Variants in FGF13 observed in about 807,000 individuals in gnomAD.
FGF13 encodes fibroblast growth factor 13, also known as fibroblast growth factor homologous factor 2.
Under a neutral mutation model 19.5 loss-of-function variants are expected in FGF13, and 2 were observed. The ratio of observed to expected loss-of-function variants is 0.10; its 90% CI spans 0.04 to 0.32. FGF13 has a LOEUF of 0.32. Among genes scored for constraint, FGF13 ranks in the 10% least tolerant of loss-of-function variants. The probability of loss-of-function intolerance (pLI) is 1.00; values close to 1 mark genes in which losing one functional copy is unlikely to be tolerated. For missense variants in FGF13, 113 were observed against 192.7 expected (o/e 0.59, Z 2.45); for synonymous variants, 72 against 76.9 (o/e 0.94, Z 0.33).
intron 1 of FGF13, among the ~76,000 whole-genome samples, chrX:139,086,199 T>C (rs1817053709): frequency 8.9e-6 from 1 of 111,922 alleles, no homozygotes; most frequent in Admixed American, 9.5e-5. Flanking sequence ...TCTAAGTCTC[T>C]CAAAGTAGCC....
In FGF13 at chrX:138,622,081, C is replaced by T. The variant is rs1197174825; in HGVS notation, c.*10769G>A. 1 of 108,372 alleles carries T rather than the reference C, an allele frequency of 9.2e-6. No individual in the cohort carries two copies. Among genetic ancestry groups the T allele is most frequent in the Admixed American group, 9.8e-5 (1 of 10,156 alleles). 8.9% of individuals were successfully genotyped at this position (108,372 alleles called of 1,213,427 possible). ...CCAAAAAAAAAAGAAGAGTGAGGAA[C>T]ACTTCTAAACTCATTTTTCTATGAA... On this transcript the variant is annotated 3_prime_UTR_variant, in exon 5 of 5. Transcript: ENST00000315930.
intron 1 of FGF13, among the ~76,000 whole-genome samples, chrX:139,035,654 G>T (rs187223227): frequency 6.0e-4 from 67 of 111,307 alleles, no homozygotes; most frequent in Non-Finnish European, 1.0e-3. Flanking sequence ...CTACCATAAA[G>T]ACAACGACAA....
At chrX:139,099,692 G>A (rs1280236847) in intron 1 of FGF13, among the ~76,000 whole-genome samples, 1 of 111,232 alleles carries the variant, frequency 9.0e-6, no homozygotes, top group Non-Finnish European at 1.9e-5. Flanking sequence ...GAGGTGGGGA[G>A]GAGGAAGGAA....
intron 1 of FGF13, among the ~76,000 whole-genome samples, chrX:139,191,010 C>T (rs1328234240): frequency 1.8e-5 from 2 of 111,963 alleles, no homozygotes; most frequent in Non-Finnish European, 3.8e-5. Flanking sequence ...AATATTGTAA[C>T]TACCTCCACA....
At chrX:138,644,453 T>C (rs1466363129) in intron 3 of FGF13, among the ~76,000 whole-genome samples, 1 of 110,295 alleles carries the variant, frequency 9.1e-6, no homozygotes. Flanking sequence ...AATTTTTGTA[T>C]TTTTTTAGTA....
intron 2 of FGF13, among the ~76,000 whole-genome samples, chrX:138,858,413 G>A (rs765089421): frequency 4.5e-5 from 5 of 111,876 alleles, no homozygotes; most frequent in South Asian, 7.5e-4. Flanking sequence ...TATCACTAGT[G>A]TTTTTGTATC....
chrX:138,830,451 T>A (rs1288148606), intron 3 of FGF13, among the ~76,000 whole-genome samples: 1 of 111,768 alleles, frequency 8.9e-6, no homozygotes, highest in Non-Finnish European at 1.9e-5. Flanking sequence ...TTGGCAGGAT[T>A]GTGCACGTGT....
At chrX:139,186,602 T>A (rs1048595543) in intron 1 of FGF13, among the ~76,000 whole-genome samples, 1 of 111,766 alleles carries the variant, frequency 8.9e-6, no homozygotes, top group Admixed American at 9.5e-5. Context: ...CTCTTCATCC[T>A]CATACACAAA....
At chrX:139,002,581 C>A (rs1016177999) in intron 1 of FGF13, among the ~76,000 whole-genome samples, 8 of 110,478 alleles carry the variant, frequency 7.2e-5, no homozygotes, top group African/African-American at 2.6e-4. Flanking sequence ...GTCCCCCAAC[C>A]CCAAGCTGTA....
At chrX:139,105,441 T>C (rs1271004099) in intron 1 of FGF13, among the ~76,000 whole-genome samples, 3 of 111,795 alleles carry the variant, frequency 2.7e-5, no homozygotes, top group African/African-American at 9.7e-5. Flanking sequence ...CCAAATTCTA[T>C]AGAATATAAA....
chrX:138,675,280 G>A (rs2089653761), intron 3 of FGF13, among the ~76,000 whole-genome samples: 1 of 112,138 alleles, frequency 8.9e-6, no homozygotes, highest in Non-Finnish European at 1.9e-5. Context: ...CTCATTTGTT[G>A]TAAAAAGCTC....
intron 3 of FGF13, among the ~76,000 whole-genome samples, chrX:138,636,889 A>C (rs2089190790): frequency 8.9e-6 from 1 of 112,031 alleles, no homozygotes; most frequent in Non-Finnish European, 1.9e-5. Flanking sequence ...CTGAGCAGCA[A>C]CATCTGAAGC....
chrX:139,069,328 T>C (rs373410741), intron 1 of FGF13, among the ~76,000 whole-genome samples: 1 of 62,454 alleles, frequency 1.6e-5, no homozygotes, highest in Admixed American at 2.1e-4. Flanking sequence ...ATGGATGAAA[T>C]TGGAAATCAT....
At chrX:138,765,685 C>T (rs918917571) in intron 3 of FGF13, among the ~76,000 whole-genome samples, 11 of 111,821 alleles carry the variant, frequency 9.8e-5, no homozygotes, top group Non-Finnish European at 1.7e-4. Flanking sequence ...CCACTGTGTC[C>T]TTTACAGCTG....
intron 1 of FGF13, among the ~76,000 whole-genome samples, chrX:138,962,180 C>A (rs774130472): frequency 8.9e-6 from 1 of 111,956 alleles, no homozygotes; most frequent in Admixed American, 9.4e-5. Flanking sequence ...AAAAAGTGGG[C>A]GAAGGATATG....
intron 3 of FGF13, among the ~76,000 whole-genome samples, chrX:138,787,871 A>G (rs1428123466): frequency 9.0e-6 from 1 of 111,267 alleles, no homozygotes; most frequent in African/African-American, 3.3e-5. Flanking sequence ...ATTACCTGCC[A>G]AAGACCACAC....
At chrX:139,081,818 A>G (rs964595031) in intron 1 of FGF13, among the ~76,000 whole-genome samples, 1 of 110,566 alleles carries the variant, frequency 9.0e-6, no homozygotes, top group Non-Finnish European at 1.9e-5. Flanking sequence ...CACCTCTACT[A>G]TGACTACACT....
At chrX:139,069,668 G>A (rs770404968) in intron 1 of FGF13, among the ~76,000 whole-genome samples, 140 of 111,623 alleles carry the variant, frequency 1.3e-3, no homozygotes, top group African/African-American at 4.4e-3. Flanking sequence ...TGCTTGTGTA[G>A]CCAAGACAAT....
chrX:138,809,061 T>C lies in FGF13; in HGVS notation c.217+48451A>G, dbSNP rs767558057. 4.8e-4 allele frequency among the ~76,000 whole-genome samples: 54 copies of C among 111,673 alleles called. 1 individual carries two copies. The highest frequency in any genetic ancestry group is 8.1e-4 in the Non-Finnish European group (43 of 53,065). Reference sequence around the variant, plus strand: ...TTCCTTCTGACACTATTCCAATCAATAGAAAAAGAGGGAATCCTCCCTAAC... The same window carrying C: ...TTCCTTCTGACACTATTCCAATCAACAGAAAAAGAGGGAATCCTCCCTAAC... On this transcript the variant is annotated intron_variant, in intron 3 of 6. Transcript: ENST00000436198.
Sources: gnomAD v4.1 joint callset for allele counts (sites outside exome capture counted in the v4.1 genomes callset) on GRCh38, gnomAD v4.1.1 for gene constraint, MANE v1.5 for transcripts, NCBI Gene and HGNC (gene_info 2026-07-23, HGNC 2026-07-21) for gene names.